The following GABRG3 variants were observed in gnomAD, a reference collection of about 807,000 sequenced individuals.
The protein encoded by GABRG3 is gamma-aminobutyric acid type A receptor subunit gamma3, also known as gamma-aminobutyric acid receptor subunit gamma-3.
A neutral mutation model predicts 48.8 loss-of-function variants in GABRG3; 25 were observed. The observed-to-expected ratio is 0.51, with a 90% CI of 0.37 to 0.72. GABRG3 has a LOEUF of 0.72. Ranked by LOEUF, GABRG3 falls within the 30% of genes least tolerant of loss-of-function variation. The probability of loss-of-function intolerance (pLI) is 0.00; values close to 1 mark genes in which losing one functional copy is unlikely to be tolerated. For missense variants in GABRG3, 394 were observed against 577.9 expected (o/e 0.68, Z 3.26); for synonymous variants, 227 against 217.6 (o/e 1.04, Z -0.38).
intron 3 of GABRG3, among the ~76,000 whole-genome samples, chr15:27,190,712 G>T (rs1268609993): frequency 6.6e-6 from 1 of 151,740 alleles, no homozygotes; most frequent in African/African-American, 2.4e-5. Context: ...AGGGTTTTTT[G>T]TGTCTCTATT....
rs1342281149 is a variant in GABRG3, at chr15:26,971,319, G to C, written c.-217G>C. On this transcript the variant is annotated 5_prime_UTR_variant, in exon 1 of 10. Transcript: ENST00000615808. ...CGCGGACCGGCGCTAGTGCGCGGGT[G>C]GGGGCGGCGCGCCGCGGTGGCCCGG... The C allele has an allele frequency of 7.4e-6, 2 of 271,716 alleles. No homozygotes were observed. Among genetic ancestry groups the C allele is most frequent in the Admixed American group, 5.4e-5 (1 of 18,362 alleles). 16.8% of individuals were successfully genotyped at this position (271,716 alleles called of 1,614,324 possible).
chr15:27,010,601 T>C lies in GABRG3; in HGVS notation c.203-16153T>C, dbSNP rs750270227. Among the ~76,000 whole-genome samples, 57 of 152,088 alleles carry C rather than the reference T, an allele frequency of 3.7e-4. 1 individual carries two copies. Among genetic ancestry groups the C allele is most frequent in the Non-Finnish European group, 2.1e-4 (14 of 68,026 alleles). ...GTCATTTCCACACCATTTTCCACCT[T>C]CTCTCTTGAAGCTCTTGCCTCCTTT... On this transcript the variant is annotated intron_variant, in intron 2 of 9. Transcript: ENST00000615808.
At chr15:27,243,292 G>A (rs941354274) in intron 3 of GABRG3, among the ~76,000 whole-genome samples, 11 of 152,216 alleles carry the variant, frequency 7.2e-5, no homozygotes, top group Middle Eastern at 3.4e-3. Context: ...AATAACACCC[G>A]AAAGAAAACA....
At chr15:27,331,740 A>G (rs1893809547) in intron 5 of GABRG3, among the ~76,000 whole-genome samples, 1 of 152,212 alleles carries the variant, frequency 6.6e-6, no homozygotes, top group South Asian at 2.1e-4. Context: ...ACCTAGGTTC[A>G]TTGATGGTAA....
At chr15:27,098,659 C>T (rs1897306055) in intron 3 of GABRG3, among the ~76,000 whole-genome samples, 1 of 152,038 alleles carries the variant, frequency 6.6e-6, no homozygotes, top group African/African-American at 2.4e-5. Flanking sequence ...CTGAAAGTCT[C>T]CTAAGTCTAG....
chr15:27,177,877 A>G (rs1218409116), intron 3 of GABRG3, among the ~76,000 whole-genome samples: 1 of 152,166 alleles, frequency 6.6e-6, no homozygotes, highest in African/African-American at 2.4e-5. Context: ...GCAAGTAGGA[A>G]TTTGTAGCCA....
intron 3 of GABRG3, among the ~76,000 whole-genome samples, chr15:27,240,423 G>T (rs925477044): frequency 6.6e-6 from 1 of 152,110 alleles, no homozygotes; most frequent in Non-Finnish European, 1.5e-5. Context: ...TGCAAATGAC[G>T]ACTCCATCCA....
chr15:27,491,413 C>T (rs967437630), intron 6 of GABRG3, among the ~76,000 whole-genome samples: 2 of 152,198 alleles, frequency 1.3e-5, no homozygotes, highest in East Asian at 1.9e-4. Context: ...GGGTTTTCCT[C>T]GTAATCACAA....
chr15:27,138,622 C>G (rs917733504), intron 3 of GABRG3, among the ~76,000 whole-genome samples: 2 of 152,184 alleles, frequency 1.3e-5, no homozygotes, highest in Admixed American at 1.3e-4. Flanking sequence ...ATGCCTTCAT[C>G]TGGACACCTT....
rs1186396712 is a variant in GABRG3 at position 27,537,691 on chromosome 15, T to A, written c.*4810T>A. 1 of 152,148 alleles carries A rather than the reference T, an allele frequency of 6.6e-6. No homozygotes were observed. Among genetic ancestry groups the A allele is most frequent in the African/African-American group, 2.4e-5 (1 of 41,448 alleles). The allele number at this position is 152,148 out of a possible 1,614,324, so 9.4% of individuals were successfully genotyped here. A position where few individuals can be genotyped will look rare whatever the true frequency, so the allele number is the denominator to read the frequency against. ...ATGTCTAATAGTTTTGAAGACTAGA[T>A]ATTAGGGCATTTTCTTTCCTCCTTT... On this transcript the variant is annotated 3_prime_UTR_variant, in exon 10 of 10. Transcript: ENST00000615808.
rs936330662 is a variant in GABRG3 at position 27,535,623 on chromosome 15, CAAT to C, written c.*2745_*2747del. On this transcript the variant is annotated 3_prime_UTR_variant, in exon 10 of 10. Transcript: ENST00000615808. ...CAGCAGGCTCCCCACTAGGGGGTCT[CAAT>C]AAAAAGAGCTAAAGCACCCCCTAAG... 1 of 152,190 alleles carries C rather than the reference CAAT, an allele frequency of 6.6e-6. No homozygotes were observed. Among genetic ancestry groups the C allele is most frequent in the South Asian group, 2.1e-4 (1 of 4,826 alleles). The allele number at this position is 152,190 out of a possible 1,614,324, so 9.4% of individuals were successfully genotyped here.
intron 6 of GABRG3, among the ~76,000 whole-genome samples, chr15:27,502,827 C>T (rs1232440134): frequency 1.3e-5 from 2 of 152,198 alleles, no homozygotes; most frequent in African/African-American, 2.4e-5. Flanking sequence ...ATACGTAGGG[C>T]GAGGTCTGGA....
chr15:27,358,825 A>AG (rs990497694), intron 5 of GABRG3, among the ~76,000 whole-genome samples: 11 of 152,112 alleles, frequency 7.2e-5, no homozygotes, highest in African/African-American at 2.7e-4. Context: ...CTCCCTACGT[A>AG]GGAGGGCCTG....
At chr15:27,521,743 C>T (rs1436251041) in intron 7 of GABRG3, among the ~76,000 whole-genome samples, 3 of 151,820 alleles carry the variant, frequency 2.0e-5, no homozygotes, top group African/African-American at 7.3e-5. Flanking sequence ...GACTTAAGAG[C>T]AGATTGAAGA....
chr15:27,426,220 G>T (rs1888286682), intron 5 of GABRG3, among the ~76,000 whole-genome samples: 2 of 152,022 alleles, frequency 1.3e-5, no homozygotes, highest in African/African-American at 4.8e-5. Context: ...ATGGGCGGTG[G>T]GAAAAAAGAG....
chr15:27,484,567 C>T (rs1281890785), intron 6 of GABRG3, among the ~76,000 whole-genome samples: 1 of 152,156 alleles, frequency 6.6e-6, no homozygotes, highest in Non-Finnish European at 1.5e-5. Flanking sequence ...ACTGCAGGAG[C>T]AATAAGTACC....
chr15:27,188,008 G>T (rs1888156259), intron 3 of GABRG3, among the ~76,000 whole-genome samples: 1 of 151,768 alleles, frequency 6.6e-6, no homozygotes, highest in African/African-American at 2.4e-5. Context: ...ACAGTTTACT[G>T]AGAATGATGA....
At chr15:27,067,348 C>T (rs1392761740) in intron 3 of GABRG3, among the ~76,000 whole-genome samples, 1 of 152,220 alleles carries the variant, frequency 6.6e-6, no homozygotes. Context: ...TGCCTCACTC[C>T]CCATCCACCC....
chr15:27,146,388 C>T (rs1380311376), intron 3 of GABRG3, among the ~76,000 whole-genome samples: 7 of 152,192 alleles, frequency 4.6e-5, no homozygotes, highest in African/African-American at 7.2e-5. Flanking sequence ...ACCTGGGATG[C>T]GGAGCTTGCA....
Sources: allele counts gnomAD v4.1 joint callset (sites outside exome capture counted in the v4.1 genomes callset), GRCh38; gene constraint gnomAD v4.1.1; transcripts MANE v1.5; gene names NCBI Gene and HGNC (gene_info 2026-07-23, HGNC 2026-07-21).